ROBO2: variants seen among roughly 807,000 people sequenced by gnomAD.
ROBO2 encodes roundabout homolog 2.
In ROBO2, 53 loss-of-function variants were observed where a neutral mutation model predicts 160.8. That is an observed-to-expected ratio of 0.33 (90% CI 0.26 to 0.41). ROBO2 has a LOEUF of 0.41. Ranked by LOEUF, ROBO2 falls within the 10% of genes least tolerant of loss-of-function variation. ROBO2 has a pLI of 1.00. For synonymous variants in ROBO2, 664 were observed against 611.7 expected, an observed-to-expected ratio of 1.09 and a Z score of -1.26; for missense variants, 1,577 against 1,722.4, an observed-to-expected ratio of 0.92 and a Z score of 1.49.
intron 2 of ROBO2, among the ~76,000 whole-genome samples, chr3:76,674,298 A>G (rs1433381590): frequency 6.6e-6 from 1 of 152,120 alleles, no homozygotes; most frequent in African/African-American, 2.4e-5. Flanking sequence ...TTAAAATTGC[A>G]GAGCAACTCG....
intron 2 of ROBO2, among the ~76,000 whole-genome samples, chr3:76,628,483 G>A (rs995626275): frequency 7.4e-6 from 1 of 135,616 alleles, no homozygotes; most frequent in Non-Finnish European, 1.6e-5. Flanking sequence ...GTCCAGGCTT[G>A]TCCTAAACTC....
chr3:76,172,909 G>A (rs561047861), intron 2 of ROBO2, among the ~76,000 whole-genome samples: 2 of 152,104 alleles, frequency 1.3e-5, no homozygotes, highest in East Asian at 3.9e-4. Flanking sequence ...GAGAAAGAAG[G>A]TCAGTGAAAC....
chr3:77,420,694 T>G (rs2153531833), intron 2 of ROBO2, among the ~76,000 whole-genome samples: 1 of 152,264 alleles, frequency 6.6e-6, no homozygotes, highest in Non-Finnish European at 1.5e-5. Context: ...AATGTGTCAT[T>G]AGTTAACTCC....
intron 2 of ROBO2, among the ~76,000 whole-genome samples, chr3:76,414,693 C>A (rs1440703760): frequency 6.7e-6 from 1 of 148,994 alleles, no homozygotes; most frequent in Non-Finnish European, 1.5e-5. Context: ...GTGCAGCGCA[C>A]CAGCATGGCA....
intron 2 of ROBO2, among the ~76,000 whole-genome samples, chr3:77,209,465 A>G (rs1397702657): frequency 6.6e-6 from 1 of 152,194 alleles, no homozygotes; most frequent in African/African-American, 2.4e-5. Context: ...ATGGCAATAA[A>G]CATAATTCAT....
At chr3:76,702,982 T>C (rs996324617) in intron 2 of ROBO2, among the ~76,000 whole-genome samples, 1 of 152,126 alleles carries the variant, frequency 6.6e-6, no homozygotes, top group African/African-American at 2.4e-5. Flanking sequence ...CACAGAGATG[T>C]TGAAGACCAT....
intron 2 of ROBO2, among the ~76,000 whole-genome samples, chr3:76,388,921 A>T (rs1469457295): frequency 6.6e-6 from 1 of 152,176 alleles, no homozygotes; most frequent in African/African-American, 2.4e-5. Flanking sequence ...TTTTCAATCT[A>T]AAACTTTAAC....
At chr3:76,159,440 A>G (rs917476535) in intron 2 of ROBO2, among the ~76,000 whole-genome samples, 11 of 152,236 alleles carry the variant, frequency 7.2e-5, no homozygotes, top group African/African-American at 2.7e-4. Flanking sequence ...AGAAAACAAT[A>G]AAGAATTAAA....
At chr3:77,159,270 C>T (rs1192173911) in intron 2 of ROBO2, among the ~76,000 whole-genome samples, 1 of 152,084 alleles carries the variant, frequency 6.6e-6, no homozygotes, top group East Asian at 1.9e-4. Context: ...AATTCAATTT[C>T]CCCCAACCAT....
At chr3:77,393,205 T>A (rs1330841074) in intron 2 of ROBO2, among the ~76,000 whole-genome samples, 1 of 152,202 alleles carries the variant, frequency 6.6e-6, no homozygotes, top group Non-Finnish European at 1.5e-5. Flanking sequence ...TCTGTCTGCC[T>A]ATAGAAATTG....
At chr3:75,961,692 T>C (rs1193241868) in intron 2 of ROBO2, among the ~76,000 whole-genome samples, 1 of 151,664 alleles carries the variant, frequency 6.6e-6, no homozygotes, top group Non-Finnish European at 1.5e-5. Flanking sequence ...AAATAGATTT[T>C]TTTATGCTAT....
chr3:76,704,249 C>T (rs1560410549), intron 2 of ROBO2, among the ~76,000 whole-genome samples: 1 of 152,126 alleles, frequency 6.6e-6, no homozygotes, highest in Non-Finnish European at 1.5e-5. Context: ...GTATCAGAGT[C>T]CCTCTGAAAA....
At chr3:76,995,337 A>T (rs1314448685) in intron 2 of ROBO2, among the ~76,000 whole-genome samples, 1 of 152,016 alleles carries the variant, frequency 6.6e-6, no homozygotes, top group Non-Finnish European at 1.5e-5. Flanking sequence ...AATTTTCTTA[A>T]TCCAGTCTAT....
intron 2 of ROBO2, among the ~76,000 whole-genome samples, chr3:76,119,889 TCCCTTCCTTCCCTTCCTTCCCTCCCTC>T (rs2070651931): frequency 8.4e-6 from 1 of 118,920 alleles, no homozygotes; most frequent in African/African-American, 3.6e-5. Flanking sequence ...TTCCTTCCCT[TCCCTTCCTTCCCTTCCTTCCCTCCCTC>T]CCTTCCTTCC....
At chr3:77,643,333 G>C (rs2095374235) in intron 24 of ROBO2, among the ~76,000 whole-genome samples, 1 of 152,140 alleles carries the variant, frequency 6.6e-6, no homozygotes, top group Non-Finnish European at 1.5e-5. Flanking sequence ...CATTCGAAAG[G>C]AGAACTCACA....
intron 2 of ROBO2, among the ~76,000 whole-genome samples, chr3:77,024,721 A>G (rs2062853503): frequency 6.6e-6 from 1 of 152,322 alleles, no homozygotes; most frequent in East Asian, 1.9e-4. Flanking sequence ...AAATGAAGAG[A>G]GAAAATAAAT....
rs368575262 is a variant in ROBO2, at chr3:76,017,298, G to A, written c.109+79696G>A. On this transcript the variant is annotated intron_variant, in intron 2 of 26. Transcript: ENST00000487694. The stretch of plus-strand genomic sequence containing the variant: ...TACCCACTGGGGATCGGAGCCTACC[G>A]ACTTTGTGACAGCTCACAGTATATT... Among the ~76,000 whole-genome samples the A allele has an allele frequency of 2.6e-5, 4 of 152,280 alleles. No homozygotes were observed. In the East Asian group the frequency reaches 5.8e-4, roughly 22 times the overall value.
chr3:76,027,666 A>G (rs895296797), intron 2 of ROBO2, among the ~76,000 whole-genome samples: 4 of 151,964 alleles, frequency 2.6e-5, no homozygotes, highest in African/African-American at 9.7e-5. Context: ...AAAATTTTTA[A>G]TCAACATTTG....
At chr3:77,023,254 T>A (rs1298374357) in intron 2 of ROBO2, among the ~76,000 whole-genome samples, 1 of 152,200 alleles carries the variant, frequency 6.6e-6, no homozygotes, top group Non-Finnish European at 1.5e-5. Context: ...TGCCACCATG[T>A]AAGTAGTGCC....
Sources: allele counts gnomAD v4.1 joint callset (sites outside exome capture counted in the v4.1 genomes callset), GRCh38; gene constraint gnomAD v4.1.1; transcripts MANE v1.5; gene names NCBI Gene and HGNC (gene_info 2026-07-23, HGNC 2026-07-21).